CDH23: variants seen among roughly 807,000 people sequenced by gnomAD.
The protein encoded by CDH23 is cadherin-23.
In CDH23, 189 loss-of-function variants were observed where a neutral mutation model predicts 317.1. That is an observed-to-expected ratio of 0.60 (90% CI 0.53 to 0.67). The LOEUF (loss-of-function observed/expected upper bound fraction) is 0.67. Ranked by LOEUF, CDH23 falls within the 30% of genes least tolerant of loss-of-function variation. CDH23 has a pLI of 0.00. For synonymous variants in CDH23, 1,839 were observed against 1,876.8 expected (o/e 0.98, Z 0.52); for missense variants, 4,401 against 4,592.4 (o/e 0.96, Z 1.20).
chr10:71,425,428 G>GGAAAGAAA (rs995932494), intron 1 of CDH23, among the ~76,000 whole-genome samples: 1 of 151,466 alleles, frequency 6.6e-6, no homozygotes, highest in South Asian at 2.1e-4. Flanking sequence ...AGGAAGGGAA[G>GGAAAGAAA]GAAAGAAAGA....
chr10:71,765,445 A>T (rs1840512904), intron 38 of CDH23, among the ~76,000 whole-genome samples: 1 of 152,140 alleles, frequency 6.6e-6, no homozygotes, highest in East Asian at 1.9e-4. Flanking sequence ...GGGGGCCCTC[A>T]AGTGGACAGA....
Position 71,797,197 on chromosome 10 carries a change from A to G in CDH23, c.6806A>G (p.Glu2269Gly). 6.2e-7 allele frequency: 1 copy of G among 1,612,978 alleles called. No homozygotes were observed. Among genetic ancestry groups the G allele is most frequent in the Non-Finnish European group, 8.5e-7 (1 of 1,179,340 alleles). ...ATTGACAATGCCAGCGACCTACCAG[A>G]GCGCTCTGTCAGTGTGCCAAATGGT... ...SVIDNASDLP[E>G]RSVSVPNAKL... The change falls in exon 49 of 70, where the codon GAG (glutamate) becomes GGG (glycine). Residue 2269 changes from glutamate to glycine, a missense_variant. Transcript: ENST00000224721.
chr10:71,589,267 C>T (rs541259999), intron 9 of CDH23, among the ~76,000 whole-genome samples: 2 of 152,196 alleles, frequency 1.3e-5, no homozygotes, highest in Admixed American at 1.3e-4. Flanking sequence ...CTACAGGCAC[C>T]CGCCACCACA....
intron 1 of CDH23, among the ~76,000 whole-genome samples, chr10:71,407,414 G>T (rs188923672): frequency 9.5e-4 from 144 of 152,344 alleles, no homozygotes; most frequent in African/African-American, 3.3e-3. Context: ...AGAGAGTGAG[G>T]CTGGCTGGGA....
In CDH23 at chr10:71,501,462, G is replaced by A. The variant is rs1163519701; in HGVS notation, c.146-8620G>A. 3.3e-5 allele frequency among the ~76,000 whole-genome samples: 5 copies of A among 152,250 alleles called. No homozygotes were observed. In the South Asian group the frequency reaches 1.0e-3, roughly 32 times the overall value. ...GTTTTCTGATGACAGTGAGGGCGTC[G>A]ATCAGTGAAGGGTGAGCCTAGAGGC... On this transcript the variant is annotated intron_variant, in intron 3 of 69. Transcript: ENST00000224721.
At chr10:71,430,160 G>A (rs1239742189) in intron 1 of CDH23, among the ~76,000 whole-genome samples, 1 of 152,156 alleles carries the variant, frequency 6.6e-6, no homozygotes, top group African/African-American at 2.4e-5. Flanking sequence ...CTGAGCTGGG[G>A]TCTGTGGGCT....
rs147277880 is a variant in CDH23 at position 71,779,053 on chromosome 10, A to G, written c.5188-214A>G. Among the ~76,000 whole-genome samples the G allele has an allele frequency of 2.7e-3, 417 of 152,320 alleles. 4 individuals are homozygous for G. Among genetic ancestry groups the G allele is most frequent in the Middle Eastern group, 0.01 (3 of 294 alleles). On this transcript the variant is annotated intron_variant, in intron 40 of 69. Transcript: ENST00000224721. Reference sequence around the variant, plus strand: ...GTGTCTGGCCAATAGCATTTTTATTAATATGATGATTGTGCCCATAAAAGG... The same window carrying G: ...GTGTCTGGCCAATAGCATTTTTATTGATATGATGATTGTGCCCATAAAAGG...
At chr10:71,686,418 G>C (rs1174054802) in intron 18 of CDH23, among the ~76,000 whole-genome samples, 1 of 152,120 alleles carries the variant, frequency 6.6e-6, no homozygotes, top group African/African-American at 2.4e-5. Context: ...GCCATCCAGA[G>C]CCAAGGGGCA....
At chr10:71,630,691 G>A (rs1861965948) in intron 11 of CDH23, among the ~76,000 whole-genome samples, 2 of 152,226 alleles carry the variant, frequency 1.3e-5, no homozygotes, top group Non-Finnish European at 2.9e-5. Context: ...CGCCAAGAAG[G>A]CACATGGGCT....
rs1468145908 is a variant in CDH23, at chr10:71,784,978, A to G, written c.5590A>G (p.Ser1864Gly). Reference sequence around the variant, plus strand: ...CATGAACATCACCATCAGCGAGAACAGCCCTGTCTCCAGCTTTGTCGCCCA... The same window carrying G: ...CATGAACATCACCATCAGCGAGAACGGCCCTGTCTCCAGCTTTGTCGCCCA... Reference protein sequence around the residue: ...LPMNITISENSPVSSFVAHVL... With the variant: ...LPMNITISENGPVSSFVAHVL... The change falls in exon 43 of 70, where the codon AGC becomes GGC. Residue 1864 changes from serine to glycine, a missense_variant. Ser to Gly is a moderately conservative substitution (Grantham distance 56). Around this residue, in one of 3 missense-constraint regions of CDH23, gnomAD observed 3,068 missense variants for 3,203.3 expected, o/e 0.96. Coordinates refer to ENST00000224721, the MANE Select transcript of CDH23 (RefSeq NM_022124.6). The G allele has an allele frequency of 5.0e-6, 8 of 1,613,946 alleles. No homozygotes were observed. Among genetic ancestry groups the G allele is most frequent in the Non-Finnish European group, 5.9e-6 (7 of 1,179,904 alleles).
rs137881083 is a variant in CDH23, at chr10:71,564,832, G to A, written c.430-1910G>A. Among the ~76,000 whole-genome samples the A allele has an allele frequency of 4.1e-4, 63 of 152,310 alleles. No individual in the cohort carries two copies. In the East Asian group the frequency reaches 0.012, roughly 28 times the overall value. On this transcript the variant is annotated intron_variant, in intron 6 of 69. Coordinates refer to ENST00000224721, the MANE Select transcript of CDH23 (RefSeq NM_022124.6). ...GCTGTTGAGTCCTGTGCTTTTCTTT[G>A]TTGGAAGATTTTTGATTACCGAATC... is the stretch of plus-strand genomic sequence containing the variant.
At chr10:71,715,721 A>G in intron 28 of CDH23, 2 of 427,960 alleles carry the variant, frequency 4.7e-6, no homozygotes, top group Non-Finnish European at 8.3e-6. Flanking sequence ...TTCATCAAGC[A>G]GCAGCGAGGG....
chr10:71,785,600 T>G (rs1344454927), intron 43 of CDH23, 31 bp from the exon 44 acceptor site: 1 of 1,388,356 alleles, frequency 7.2e-7, no homozygotes, highest in Non-Finnish European at 1.0e-6. Context: ...GGAAAAGGTC[T>G]CCATGCAGCT....
chr10:71,753,216 G>C (rs1289915294), intron 38 of CDH23, among the ~76,000 whole-genome samples: 2 of 152,232 alleles, frequency 1.3e-5, no homozygotes, highest in Non-Finnish European at 1.5e-5. Flanking sequence ...GGCCCATTTT[G>C]ACGACTGATA....
intron 1 of CDH23, among the ~76,000 whole-genome samples, chr10:71,422,276 G>A (rs1848853503): frequency 1.3e-5 from 2 of 152,178 alleles, no homozygotes; most frequent in South Asian, 2.1e-4. Context: ...CCTTTGCCCT[G>A]TGGTGCCATG....
chr10:71,397,534 C>T lies in CDH23; in HGVS notation c.-6+216C>T, dbSNP rs1228008094. On this transcript the variant is annotated intron_variant, in intron 1 of 69. Transcript: ENST00000224721. The surrounding 1 kb of genome is among the most constrained non-coding windows in gnomAD (Gnocchi z 4.8). ...CCGCTCCGAGCTCCCCGACGCGCGGCAACTTTGATTCCTGGGAACTCGAAT... is the reference window on the plus strand; with the variant it reads ...CCGCTCCGAGCTCCCCGACGCGCGGTAACTTTGATTCCTGGGAACTCGAAT... 6.6e-6 allele frequency among the ~76,000 whole-genome samples: 1 copy of T among 152,036 alleles called. No homozygotes were observed. Among genetic ancestry groups the T allele is most frequent in the African/African-American group, 2.4e-5 (1 of 41,420 alleles).
intron 6 of CDH23, among the ~76,000 whole-genome samples, chr10:71,563,882 G>A (rs1180546818): frequency 6.6e-6 from 1 of 151,912 alleles, no homozygotes; most frequent in Non-Finnish European, 1.5e-5. Context: ...CCCAGTAGCT[G>A]GGATTACAGG....
intron 1 of CDH23, among the ~76,000 whole-genome samples, chr10:71,428,738 G>A (rs1295659967): frequency 2.6e-5 from 4 of 151,990 alleles, no homozygotes; most frequent in African/African-American, 7.2e-5. Flanking sequence ...ACAGGTGCAC[G>A]CCACCAAGTT....
chr10:71,812,141 G>A (rs929683078), intron 66 of CDH23, 126 bp downstream of exon 66: 20 of 1,591,710 alleles, frequency 1.3e-5, no homozygotes, highest in African/African-American at 7.0e-5. Flanking sequence ...CCTGGTGGGC[G>A]GGCCACCCTC....
Sources: allele counts gnomAD v4.1 joint callset (sites outside exome capture counted in the v4.1 genomes callset), GRCh38; gene constraint gnomAD v4.1.1; regional missense constraint gnomAD v4.1.1; non-coding constraint Gnocchi (gnomAD v3.1); transcripts MANE v1.5; gene names NCBI Gene and HGNC (gene_info 2026-07-23, HGNC 2026-07-21).